TNS3: variants seen among roughly 807,000 people sequenced by gnomAD.
TNS3 encodes tensin 3.
In TNS3, 45 loss-of-function variants were observed where a neutral mutation model predicts 140.9. The observed-to-expected ratio is 0.32, with a 90% CI of 0.25 to 0.41. The LOEUF (loss-of-function observed/expected upper bound fraction) is 0.41, where lower values mean the gene tolerates loss of function less well. Among genes scored for constraint, TNS3 ranks in the 10% least tolerant of loss-of-function variants. TNS3 has a pLI of 1.00. For synonymous variants in TNS3, 815 were observed against 788.4 expected, an observed-to-expected ratio of 1.03 and a Z score of -0.56; for missense variants, 1,716 against 1,906.7, an observed-to-expected ratio of 0.90 and a Z score of 1.86.
chr7:47,361,476 TCCC>T (rs1196868753), intron 17 of TNS3, among the ~76,000 whole-genome samples: 1 of 152,170 alleles, frequency 6.6e-6, no homozygotes, highest in Non-Finnish European at 1.5e-5. Context: ...CCCAGCACGT[TCCC>T]CAACTCTGGA....
intron 10 of TNS3, among the ~76,000 whole-genome samples, chr7:47,418,666 A>G (rs896472008): frequency 9.2e-5 from 14 of 152,386 alleles, no homozygotes; most frequent in Non-Finnish European, 1.8e-4. Context: ...ACCAGTGAGT[A>G]CATTTTAAAA....
chr7:47,446,360 C>G (rs977869227), intron 4 of TNS3, among the ~76,000 whole-genome samples: 3 of 152,200 alleles, frequency 2.0e-5, no homozygotes, highest in Non-Finnish European at 4.4e-5. Flanking sequence ...TCCTCAGAAG[C>G]CTTCCCAAGC....
intron 1 of TNS3, among the ~76,000 whole-genome samples, chr7:47,558,870 T>G (rs1800264042): frequency 6.6e-6 from 1 of 152,126 alleles, no homozygotes; most frequent in South Asian, 2.1e-4. Flanking sequence ...AGGAGGAAGC[T>G]TTGCATGACC....
chr7:47,394,171 C>T (rs1380612994), intron 16 of TNS3, among the ~76,000 whole-genome samples: 2 of 152,236 alleles, frequency 1.3e-5, no homozygotes, highest in Admixed American at 6.5e-5. Flanking sequence ...TCAAGAAACA[C>T]GCATTGAGTA....
chr7:47,280,393 T>C, intron 28 of TNS3, 39 bp from the exon 29 acceptor site: 1 of 1,601,936 alleles, frequency 6.2e-7, no homozygotes, highest in Non-Finnish European at 8.6e-7. Context: ...CTCCTGTTAC[T>C]AGGGCTTTTG....
At chr7:47,448,242 G>C (rs1450069028) in intron 4 of TNS3, among the ~76,000 whole-genome samples, 1 of 152,214 alleles carries the variant, frequency 6.6e-6, no homozygotes, top group African/African-American at 2.4e-5. Context: ...TGCAGAGGGG[G>C]AGCACAGGGA....
At chr7:47,413,238 C>T (rs1272505673) in intron 12 of TNS3, among the ~76,000 whole-genome samples, 1 of 147,050 alleles carries the variant, frequency 6.8e-6, no homozygotes, top group Non-Finnish European at 1.5e-5. Flanking sequence ...AGGTGTGAGC[C>T]ACCAAGCCTG....
intron 15 of TNS3, among the ~76,000 whole-genome samples, chr7:47,399,991 T>C (rs1400253576): frequency 6.8e-6 from 1 of 146,438 alleles, no homozygotes; most frequent in Non-Finnish European, 1.5e-5. Context: ...AAAAAACAAA[T>C]AATCCCATCA....
intron 20 of TNS3, among the ~76,000 whole-genome samples, chr7:47,327,243 G>C (rs6958978): frequency 0.095 from 14,413 of 152,126 alleles, 814 homozygotes; most frequent in African/African-American, 0.14. Context: ...ATCTGAGCAG[G>C]TTCTTTCAGT....
At chr7:47,418,933 C>G (rs1207788065) in intron 10 of TNS3, among the ~76,000 whole-genome samples, 1 of 152,294 alleles carries the variant, frequency 6.6e-6, no homozygotes. Flanking sequence ...TCTTTCCCAA[C>G]AGCTTACTCA....
At chr7:47,576,903 G>T (rs1009903028) in intron 1 of TNS3, among the ~76,000 whole-genome samples, 1 of 152,258 alleles carries the variant, frequency 6.6e-6, no homozygotes, top group Admixed American at 6.5e-5. Context: ...ACTGCAGACG[G>T]CAGTGAACGG....
At chr7:47,391,002 A>G (rs528913483) in intron 16 of TNS3, among the ~76,000 whole-genome samples, 1 of 152,292 alleles carries the variant, frequency 6.6e-6, no homozygotes, top group East Asian at 1.9e-4. Context: ...CCAGCAAAGA[A>G]GCCAGGCTCA....
chr7:47,548,674 C>A (rs1057124125), intron 1 of TNS3, among the ~76,000 whole-genome samples: 2 of 152,116 alleles, frequency 1.3e-5, no homozygotes, highest in African/African-American at 2.4e-5. Flanking sequence ...TGGGCTCCGA[C>A]CTGCAGGTCC....
At chr7:47,306,064 T>C (rs1441385112) in intron 20 of TNS3, among the ~76,000 whole-genome samples, 1 of 152,204 alleles carries the variant, frequency 6.6e-6, no homozygotes, top group Non-Finnish European at 1.5e-5. Flanking sequence ...AAGGCTACCT[T>C]CTTTACCCTT....
At chr7:47,433,477 A>C (rs1456080044) in intron 8 of TNS3, among the ~76,000 whole-genome samples, 5 of 152,236 alleles carry the variant, frequency 3.3e-5, no homozygotes, top group Non-Finnish European at 7.3e-5. Flanking sequence ...GCTTAGCAAA[A>C]GGATGCATTT....
Position 47,472,658 on chromosome 7 carries a change from C to T in TNS3, c.-76+8445G>A, listed in dbSNP as rs762586373. Among the ~76,000 whole-genome samples the T allele has an allele frequency of 3.3e-5, 5 of 152,294 alleles. No individual in the cohort carries two copies. In the Middle Eastern group the frequency reaches 0.01, roughly 311 times the overall value. On this transcript the variant is annotated intron_variant, in intron 4 of 30. Coordinates refer to ENST00000311160, the MANE Select transcript of TNS3 (RefSeq NM_022748.12). ...GACTAGAGGCGTCTAGACCAGAAGG[C>T]GCAGGTGAGCCATGGGAACAGGAAG...
chr7:47,525,075 C>CCCTGGAG (rs1296975937), intron 2 of TNS3, among the ~76,000 whole-genome samples: 1 of 152,170 alleles, frequency 6.6e-6, no homozygotes, highest in Non-Finnish European at 1.5e-5. Context: ...ACACTGGGTT[C>CCCTGGAG]CCTGGAGTAG....
At chr7:47,360,867 C>G (rs1006066756) in intron 17 of TNS3, among the ~76,000 whole-genome samples, 2 of 152,136 alleles carry the variant, frequency 1.3e-5, no homozygotes, top group Non-Finnish European at 2.9e-5. Flanking sequence ...ACACACAGTA[C>G]GGAAATAACG....
chr7:47,545,621 G>A (rs1006001478), intron 1 of TNS3, among the ~76,000 whole-genome samples: 1 of 152,122 alleles, frequency 6.6e-6, no homozygotes, highest in African/African-American at 2.4e-5. Flanking sequence ...GTGGGAGGCG[G>A]GTCACCCACA....
Sources: allele counts gnomAD v4.1 joint callset (sites outside exome capture counted in the v4.1 genomes callset), GRCh38; gene constraint gnomAD v4.1.1; transcripts MANE v1.5; gene names NCBI Gene and HGNC (gene_info 2026-07-23, HGNC 2026-07-21).